TMEM39B: variants seen among roughly 807,000 people sequenced by gnomAD.
TMEM39B encodes transmembrane protein 39B.
In TMEM39B, 23 loss-of-function variants were observed where a neutral mutation model predicts 52.2. The observed-to-expected ratio is 0.44, with a 90% confidence interval of 0.32 to 0.62. TMEM39B has a LOEUF of 0.62. TMEM39B is among the 20% of genes least tolerant of loss of function. The pLI is 0.06. For synonymous variants in TMEM39B, 285 were observed against 264.0 expected (o/e 1.08, Z -0.77); for missense variants, 547 against 642.0 (o/e 0.85, Z 1.60).
At chr1:32,090,479 A>G (rs1428287043) in intron 5 of TMEM39B, among the ~76,000 whole-genome samples, 2 of 151,834 alleles carry the variant, frequency 1.3e-5, no homozygotes, top group Non-Finnish European at 2.9e-5. Context: ...TTCTGAGACA[A>G]AGTCTTACTC....
intron 1 of TMEM39B, 41 bp downstream of exon 1, chr1:32,073,092 C>A (rs1639702252): frequency 2.8e-6 from 4 of 1,444,576 alleles, no homozygotes; most frequent in Non-Finnish European, 3.7e-6. Context: ...AACGAGCGGG[C>A]GCACGGGTTA....
rs576054981 is a variant in TMEM39B at position 32,096,830 on chromosome 1, G to T, written c.1115+1859G>T. 2.1e-5 allele frequency among the ~76,000 whole-genome samples: 3 copies of T among 145,526 alleles called. No homozygotes were observed. In the East Asian group the frequency reaches 6.3e-4, roughly 31 times the overall value. The stretch of plus-strand genomic sequence containing the variant: ...CAATCCTTTTTTTTTTTTGAGACAA[G>T]GTCCCACTCTGTCTCCCAGGCTGGA... On this transcript the variant is annotated intron_variant, in intron 7 of 8. Transcript: ENST00000336294.
intron 1 of TMEM39B, chr1:32,073,269 A>C: frequency 1.8e-6 from 1 of 557,346 alleles, no homozygotes; most frequent in Non-Finnish European, 2.8e-6. Flanking sequence ...TCTAAGACGA[A>C]GCCCTGTGGG....
At chr1:32,086,503 A>G (rs1236156487) in intron 5 of TMEM39B, among the ~76,000 whole-genome samples, 1 of 152,052 alleles carries the variant, frequency 6.6e-6, no homozygotes, top group African/African-American at 2.4e-5. Flanking sequence ...ATGGTGGCCC[A>G]TGCCTGTAAT....
At chr1:32,090,155 A>G (rs1232318563) in intron 5 of TMEM39B, among the ~76,000 whole-genome samples, 3 of 152,002 alleles carry the variant, frequency 2.0e-5, no homozygotes, top group African/African-American at 7.2e-5. Context: ...TGAAAAAGGG[A>G]ATATTTATAA....
intron 2 of TMEM39B, 91 bp from the exon 3 acceptor site, chr1:32,075,512 T>G (rs566623568): frequency 8.8e-6 from 12 of 1,360,376 alleles, no homozygotes; most frequent in African/African-American, 5.8e-5. Flanking sequence ...GAGCTGCTTT[T>G]CTGATCTTAT....
rs1426240851 is a variant in TMEM39B at position 32,075,835 on chromosome 1, C to T, written c.351+13C>T. The T allele has an allele frequency of 2.1e-6, 3 of 1,420,452 alleles. No individual in the cohort carries two copies. The highest frequency in any genetic ancestry group is 2.9e-6 in the Non-Finnish European group (3 of 1,052,434). The allele number at this position is 1,420,452 out of a possible 1,614,324, so 88.0% of individuals were successfully genotyped here. ...CCACACCTCCCTGGTAGGTACCCAACAAGGGTGTGTGTGTGTGTGTGTGTG... is the reference window on the plus strand; with the variant it reads ...CCACACCTCCCTGGTAGGTACCCAATAAGGGTGTGTGTGTGTGTGTGTGTG... On this transcript the variant is annotated intron_variant, in intron 3 of 8. Transcript: ENST00000336294.
chr1:32,091,774 T>A lies in TMEM39B; in HGVS notation c.690T>A (p.Ser230Arg). 6.2e-7 allele frequency: 1 copy of A among 1,614,144 alleles called. No homozygotes were observed. Among genetic ancestry groups the A allele is most frequent in the South Asian group, 1.1e-5 (1 of 91,080 alleles). The change falls in exon 6 of 9, where the codon AGT (serine) becomes AGA (arginine). Residue 230 changes from serine (S) to arginine (R), a missense_variant. By Grantham distance (110) the Ser-to-Arg change is moderately radical. Transcript: ENST00000336294. ...MASMGPREAVSGLAKSRDYLL... is the reference protein window; with the variant it reads ...MASMGPREAVRGLAKSRDYLL... The stretch of plus-strand genomic sequence containing the variant: ...CCATGGGGCCCCGGGAGGCGGTCAG[T>A]GGCCTGGCAAAGAGCCGGGACTACC...
At chr1:32,094,745 T>C (rs2124488931) in intron 6 of TMEM39B, 39 bp from the exon 7 acceptor site, 1 of 1,607,808 alleles carries the variant, frequency 6.2e-7, no homozygotes, top group Non-Finnish European at 8.5e-7. Context: ...GAGGCCATTA[T>C]GGGGATCCCA....
Position 32,075,083 on chromosome 1 carries a change from C to T in TMEM39B, c.131+6C>T, listed in dbSNP as rs766169619. ...AGTGTTCGTTCCCGCACCAGGTAAACCACCTCTCTGTCTCACCCCTCACTG... is the reference window on the plus strand; with the variant it reads ...AGTGTTCGTTCCCGCACCAGGTAAATCACCTCTCTGTCTCACCCCTCACTG... On this transcript the variant is annotated splice_donor_region_variant and intron_variant, in intron 2 of 8. Coordinates refer to ENST00000336294, the MANE Select transcript of TMEM39B (RefSeq NM_018056.4). 1.0e-5 allele frequency: 16 copies of T among 1,548,174 alleles called. No homozygotes were observed. In the South Asian group the frequency reaches 1.8e-4, roughly 17 times the overall value.
intron 7 of TMEM39B, among the ~76,000 whole-genome samples, chr1:32,099,335 G>T (rs1271621071): frequency 6.6e-6 from 1 of 151,616 alleles, no homozygotes; most frequent in Non-Finnish European, 1.5e-5. Context: ...TGGGGTGGGG[G>T]AGGGATAACA....
chr1:32,102,066 T>C (rs1434637069), intron 8 of TMEM39B, among the ~76,000 whole-genome samples: 5 of 152,082 alleles, frequency 3.3e-5, no homozygotes, highest in African/African-American at 1.2e-4. Context: ...TGAGGGTCAG[T>C]GGATGAGGGA....
At position 32,075,772 on chromosome 1, in the gene TMEM39B, A is replaced by G; in HGVS notation, c.301A>G (p.Lys101Glu). ...ALFVHYINIY[K>E]TVWWYPPSHP... is the part of the protein sequence containing the mutation. ...CTTCGTCCACTACATCAACATCTAC[A>G]AGACAGTGTGGTGGTATCCACCTTC... The change falls in exon 3 of 9, where the codon AAG (lysine) becomes GAG (glutamate). Residue 101 changes from lysine (K) to glutamate (E), a missense_variant. Transcript: ENST00000336294. 2 of 1,547,036 alleles carry G rather than the reference A, an allele frequency of 1.3e-6. No homozygotes were observed. Among genetic ancestry groups the G allele is most frequent in the Non-Finnish European group, 1.7e-6 (2 of 1,143,352 alleles).
Position 32,088,746 on chromosome 1 carries a change from T to G in TMEM39B, c.591-2929T>G, listed in dbSNP as rs898600592. ...TCATAGGACCTATCTGCAGTCCTTCTTAGAGACAAAGCCAGCGAGATTCTT... is the reference window on the plus strand; with the variant it reads ...TCATAGGACCTATCTGCAGTCCTTCGTAGAGACAAAGCCAGCGAGATTCTT... On this transcript the variant is annotated intron_variant, in intron 5 of 8. Coordinates refer to ENST00000336294, the MANE Select transcript of TMEM39B (RefSeq NM_018056.4). Among the ~76,000 whole-genome samples, 6 of 152,288 alleles carry G rather than the reference T, an allele frequency of 3.9e-5. No homozygotes were observed. The East Asian group carries it at 1.2e-3, about 29-fold the overall frequency.
Position 32,075,738 on chromosome 1 carries a change from C to T in TMEM39B, c.267C>T (p.Leu89=), listed in dbSNP as rs1166975044. Residue 89 remains leucine (L), a synonymous_variant, in exon 3 of 9, where the codon CTC becomes CTT. Transcript: ENST00000336294. ...AGTTGCAGCTCTTCTTCTGCCAGCT[C>T]ATAGCACTCTTCGTCCACTACATCA... is the stretch of plus-strand genomic sequence containing the variant. The part of the protein sequence containing the change: ...LFELQLFFCQ[L]IALFVHYINI... The T allele has an allele frequency of 1.9e-6, 3 of 1,551,650 alleles. No homozygotes were observed. The South Asian group carries it at 3.6e-5, about 18-fold the overall frequency.
intron 3 of TMEM39B, chr1:32,076,455 A>T: frequency 2.2e-6 from 1 of 463,048 alleles, no homozygotes; most frequent in Non-Finnish European, 4.1e-6. Context: ...AACCACAGGG[A>T]TACATGAGTG....
At position 32,102,546 on chromosome 1, in the gene TMEM39B, C is replaced by T. The variant is rs1641056991; in HGVS notation, c.1352C>T (p.Ser451Leu). 1.9e-6 allele frequency: 3 copies of T among 1,614,070 alleles called. No homozygotes were observed. The highest frequency in any genetic ancestry group is 2.5e-6 in the Non-Finnish European group (3 of 1,180,028). The change falls in exon 9 of 9, where the codon TCG (serine) becomes TTG (leucine). Residue 451 changes from serine (S) to leucine (L), a missense_variant. Ser to Leu is a moderately radical substitution (Grantham distance 145, BLOSUM62 -2). Coordinates refer to ENST00000336294, the MANE Select transcript of TMEM39B (RefSeq NM_018056.4). ...MSSEKWHQTI[S>L]LALILFSNYY... ...TCTGAAAAGTGGCACCAGACCATCT[C>T]GCTGGCCCTCATCCTCTTCAGCAAC... is the stretch of plus-strand genomic sequence containing the variant.
chr1:32,095,035 T>C, intron 7 of TMEM39B, 64 bp downstream of exon 7: 3 of 1,552,894 alleles, frequency 1.9e-6, no homozygotes, highest in Non-Finnish European at 2.6e-6. Context: ...GAGTCACTTG[T>C]CCACTCGCTG....
Position 32,091,957 on chromosome 1 carries a change from C to T in TMEM39B, c.873C>T (p.Val291=). Reference sequence around the variant, plus strand: ...ACTGGCGCATGAAGGAAGTGCTCGTCAGCTCCATGCTGAGCGCCTACTATG... The same window carrying T: ...ACTGGCGCATGAAGGAAGTGCTCGTTAGCTCCATGCTGAGCGCCTACTATG... ...DFNWRMKEVL[V]SSMLSAYYVA... is the part of the protein sequence containing the mutation. The change falls in exon 6 of 9, where the codon GTC becomes GTT. Residue 291 remains valine, a synonymous_variant. Transcript: ENST00000336294. The T allele has an allele frequency of 6.2e-7, 1 of 1,614,218 alleles. No homozygotes were observed. The highest frequency in any genetic ancestry group is 8.5e-7 in the Non-Finnish European group (1 of 1,180,040).
Sources: gnomAD v4.1 joint callset for allele counts (sites outside exome capture counted in the v4.1 genomes callset) on GRCh38, gnomAD v4.1.1 for gene constraint, MANE v1.5 for transcripts, NCBI Gene and HGNC (gene_info 2026-07-23, HGNC 2026-07-21) for gene names.